KLHL29: variants seen among roughly 807,000 people sequenced by gnomAD.
KLHL29 encodes the protein kelch like family member 29.
In KLHL29, 21 loss-of-function variants were observed where a neutral mutation model predicts 80.4. That is an observed-to-expected ratio of 0.26 (90% CI 0.19 to 0.38). KLHL29 has a LOEUF of 0.38. KLHL29 is among the 10% of genes least tolerant of loss of function. The pLI is 1.00. For synonymous variants in KLHL29, 511 were observed against 526.8 expected (o/e 0.97, Z 0.41); for missense variants, 867 against 1,223.9 (o/e 0.71, Z 4.35).
rs550091447 is a variant in KLHL29, at chr2:23,401,834, T to C, written c.-154+16054T>C. 2.2e-4 allele frequency among the ~76,000 whole-genome samples: 34 copies of C among 152,318 alleles called. No homozygotes were observed. The South Asian group carries it at 6.6e-3, about 30-fold the overall frequency. ...GCCAGGTTCAGATCCTGCCTGTCCT[T>C]TGCAGCTTTGTAGGGAGCAGTCCCC... On this transcript the variant is annotated intron_variant, in intron 1 of 13. Transcript: ENST00000486442.
intron 1 of KLHL29, among the ~76,000 whole-genome samples, chr2:23,408,524 A>T (rs1047212066): frequency 2.0e-5 from 3 of 152,120 alleles, no homozygotes; most frequent in Admixed American, 1.3e-4. Flanking sequence ...TAGAAACTTC[A>T]TTCCTATATG....
intron 1 of KLHL29, among the ~76,000 whole-genome samples, chr2:23,452,214 G>T (rs1218845644): frequency 1.3e-5 from 2 of 150,818 alleles, no homozygotes; most frequent in Non-Finnish European, 3.0e-5. Flanking sequence ...TAGAGATGGG[G>T]TCTCACTGTG....
Position 23,642,749 on chromosome 2 carries a change from C to A in KLHL29, c.839C>A (p.Ala280Asp). 1.3e-6 allele frequency: 2 copies of A among 1,550,236 alleles called. No homozygotes were observed. The highest frequency in any genetic ancestry group is 1.7e-6 in the Non-Finnish European group (2 of 1,146,778). The change falls in exon 5 of 14, where the codon GCC (alanine) becomes GAC (aspartate). Residue 280 changes from alanine to aspartate, a missense_variant. Transcript: ENST00000486442. Reference protein sequence around the residue: ...PSATLPSGAPATNGPPTTDSA... With the variant: ...PSATLPSGAPDTNGPPTTDSA... The stretch of plus-strand genomic sequence containing the variant: ...GCCACTCTCCCCAGTGGTGCCCCTG[C>A]CACCAATGGGCCCCCCACAACCGAC...
At chr2:23,477,916 G>A (rs1295864988) in intron 2 of KLHL29, among the ~76,000 whole-genome samples, 2 of 152,208 alleles carry the variant, frequency 1.3e-5, no homozygotes, top group South Asian at 2.1e-4. Context: ...TTAGTTTGGG[G>A]TCTAATCTTC....
chr2:23,502,546 C>G (rs912997627), intron 2 of KLHL29, among the ~76,000 whole-genome samples: 15 of 152,238 alleles, frequency 9.9e-5, no homozygotes, highest in African/African-American at 3.6e-4. Context: ...GGCTCTGGCC[C>G]CTGTGCCCCT....
At position 23,696,601 on chromosome 2, in the gene KLHL29, T is replaced by G. The variant is rs905515227; in HGVS notation, c.2105+88T>G. 5.7e-6 allele frequency: 6 copies of G among 1,061,028 alleles called. No individual in the cohort carries two copies. The highest frequency in any genetic ancestry group is 8.1e-6 in the Non-Finnish European group (6 of 741,896). 65.7% of individuals were successfully genotyped at this position (1,061,028 alleles called of 1,614,324 possible). On this transcript the variant is annotated intron_variant, in intron 11 of 13. Transcript: ENST00000486442. This position sits in a 1 kb window ranked among gnomAD's most constrained non-coding sequence, Gnocchi z 5.5. ...ACTCACTGTACCTCCCAACACCCACTCAGTGGCGATGGAGCAGAGCCTGGA... is the reference window on the plus strand; with the variant it reads ...ACTCACTGTACCTCCCAACACCCACGCAGTGGCGATGGAGCAGAGCCTGGA...
intron 3 of KLHL29, among the ~76,000 whole-genome samples, chr2:23,605,560 G>T (rs1231530076): frequency 6.6e-6 from 1 of 152,094 alleles, no homozygotes; most frequent in Non-Finnish European, 1.5e-5. Flanking sequence ...TCTTCTCTCA[G>T]TTTTTGTTGA....
chr2:23,477,821 C>A (rs1426807228), intron 2 of KLHL29, among the ~76,000 whole-genome samples: 1 of 152,198 alleles, frequency 6.6e-6, no homozygotes, highest in African/African-American at 2.4e-5. Flanking sequence ...GCCAGCTCTC[C>A]TTGGATGCAC....
chr2:23,581,276 C>T (rs868172114), intron 3 of KLHL29, among the ~76,000 whole-genome samples: 1 of 152,206 alleles, frequency 6.6e-6, no homozygotes, highest in Admixed American at 6.5e-5. Context: ...CCCCACTCCC[C>T]ACCCGGTCTT....
intron 5 of KLHL29, among the ~76,000 whole-genome samples, chr2:23,644,855 G>A (rs555524777): frequency 2.0e-4 from 30 of 152,358 alleles, no homozygotes; most frequent in South Asian, 6.2e-4. Context: ...CAGGGATGGG[G>A]TGGGCCTAGA....
chr2:23,623,940 G>A (rs916461418), intron 3 of KLHL29, among the ~76,000 whole-genome samples: 4 of 152,174 alleles, frequency 2.6e-5, no homozygotes, highest in Non-Finnish European at 5.9e-5. Context: ...ACTTAAATGT[G>A]ACCTCAAGTG....
intron 5 of KLHL29, among the ~76,000 whole-genome samples, chr2:23,664,842 C>T (rs906807572): frequency 6.6e-6 from 1 of 151,856 alleles, no homozygotes; most frequent in Non-Finnish European, 1.5e-5. Flanking sequence ...AATCACTCCC[C>T]TTCCCCTCCA....
At chr2:23,607,947 T>C (rs1276258598) in intron 3 of KLHL29, among the ~76,000 whole-genome samples, 1 of 152,040 alleles carries the variant, frequency 6.6e-6, no homozygotes, top group African/African-American at 2.4e-5. Context: ...TGTCATCATG[T>C]GAACTGCCGT....
At chr2:23,553,901 T>C (rs747025384) in intron 2 of KLHL29, among the ~76,000 whole-genome samples, 13 of 152,224 alleles carry the variant, frequency 8.5e-5, no homozygotes, top group Non-Finnish European at 1.5e-4. Flanking sequence ...GAGTAGAACA[T>C]GCCAGTCCGT....
chr2:23,542,391 A>G (rs1262405376), intron 2 of KLHL29, among the ~76,000 whole-genome samples: 4 of 152,194 alleles, frequency 2.6e-5, no homozygotes, highest in Admixed American at 1.3e-4. Context: ...CCAGTTGGCT[A>G]TAACCAGGTC....
intron 3 of KLHL29, among the ~76,000 whole-genome samples, chr2:23,570,352 C>G (rs967489673): frequency 6.6e-6 from 1 of 152,188 alleles, no homozygotes; most frequent in Non-Finnish European, 1.5e-5. Flanking sequence ...GCGAGGTGCA[C>G]GTCTCAATAG....
At chr2:23,705,093 G>A (rs1401669100) in intron 13 of KLHL29, among the ~76,000 whole-genome samples, 1 of 152,224 alleles carries the variant, frequency 6.6e-6, no homozygotes, top group East Asian at 1.9e-4. Context: ...TACCCTAATG[G>A]TGGCAGTGTG....
intron 8 of KLHL29, among the ~76,000 whole-genome samples, chr2:23,694,693 C>A (rs142886974): frequency 0.024 from 3,642 of 152,242 alleles, 80 homozygotes; most frequent in Non-Finnish European, 0.039. Context: ...TCCAGACACA[C>A]CATTCTCTTT....
Position 23,642,487 on chromosome 2 carries a change from G to A in KLHL29, c.577G>A (p.Val193Met), listed in dbSNP as rs187071418. Residue 193 changes from valine (V) to methionine (M), a missense_variant, in exon 5 of 14, where the codon GTG becomes ATG. Physicochemically the swap from Val to Met is conservative, Grantham distance 21. Transcript: ENST00000486442. ...IGVTPSLPPH[V>M]GPQLPLMPGH... is the part of the protein sequence containing the mutation. ...GGTGACCCCCTCACTGCCTCCCCAC[G>A]TGGGGCCCCAGCTCCCGCTGATGCC... 5.9e-5 allele frequency: 90 copies of A among 1,518,464 alleles called. No individual in the cohort carries two copies. The highest frequency in any genetic ancestry group is 2.5e-4 in the African/African-American group (18 of 72,514). 94.1% of individuals were successfully genotyped at this position (1,518,464 alleles called of 1,614,324 possible). A position where few individuals can be genotyped will look rare whatever the true frequency, so the allele number is the denominator to read the frequency against.
Sources: allele counts gnomAD v4.1 joint callset (sites outside exome capture counted in the v4.1 genomes callset), GRCh38; gene constraint gnomAD v4.1.1; non-coding constraint Gnocchi (gnomAD v3.1); transcripts MANE v1.5; gene names NCBI Gene and HGNC (gene_info 2026-07-23, HGNC 2026-07-21).